SLC35F5: variants seen among roughly 807,000 people sequenced by gnomAD.
SLC35F5 encodes the protein HCV NS5A-transactivated protein 3.
SLC35F5 carries 54 observed loss-of-function variants against 68.6 expected under a neutral mutation model. The observed-to-expected ratio is 0.79, with a 90% CI of 0.63 to 0.99. The LOEUF (loss-of-function observed/expected upper bound fraction) is 0.99, where lower values mean the gene tolerates loss of function less well. SLC35F5 is among the 50% of genes least tolerant of loss of function. SLC35F5 has a pLI of 0.00. For synonymous variants in SLC35F5, 211 were observed against 205.2 expected (o/e 1.03, Z -0.24); for missense variants, 567 against 626.9 (o/e 0.90, Z 1.02).
At position 113,742,757 on chromosome 2, in the gene SLC35F5, G is replaced by T. The variant is rs773787189; in HGVS notation, c.685C>A (p.Leu229Met). The T allele has an allele frequency of 6.8e-6, 11 of 1,614,044 alleles. No individual in the cohort carries two copies. In the South Asian group the frequency reaches 1.1e-4, roughly 16 times the overall value. ...SYPVKEQESI[L>M]KTVGKLTATQ... ...GCAGTAAGTTTCCCCACAGTTTTCA[G>T]TATGGATTCTTGTTCTTTCACAGGA... Residue 229 changes from leucine to methionine, a missense_variant, in exon 7 of 16, where the codon CTG becomes ATG. Physicochemically the swap from Leu to Met is conservative, Grantham distance 15. Coordinates refer to ENST00000245680, the MANE Select transcript of SLC35F5 (RefSeq NM_025181.5).
intron 15 of SLC35F5, among the ~76,000 whole-genome samples, chr2:113,715,402 T>C (rs1687141130): frequency 6.6e-6 from 1 of 152,196 alleles, no homozygotes; most frequent in African/African-American, 2.4e-5. Flanking sequence ...ACATCAACAC[T>C]AAAGACTGTG....
chr2:113,728,140 T>G (rs1246652451), intron 11 of SLC35F5, among the ~76,000 whole-genome samples: 1 of 151,966 alleles, frequency 6.6e-6, no homozygotes, highest in Non-Finnish European at 1.5e-5. Flanking sequence ...TACAAACACA[T>G]GTAACCAAAC....
rs1005753594 is a variant in SLC35F5, at chr2:113,712,476, C to G, written c.*2742G>C. 1.3e-5 allele frequency among the ~76,000 whole-genome samples: 2 copies of G among 152,164 alleles called. No homozygotes were observed. Among genetic ancestry groups the G allele is most frequent in the Admixed American group, 6.5e-5 (1 of 15,278 alleles). On this transcript the variant is annotated 3_prime_UTR_variant, in exon 16 of 16. Coordinates refer to ENST00000245680, the MANE Select transcript of SLC35F5 (RefSeq NM_025181.5). The stretch of plus-strand genomic sequence containing the variant: ...GGACTACAGGCGCCGCCACCACGCC[C>G]GGCTAATTCTTTGTATTTTTAGTAG...
At chr2:113,724,888 G>C (rs1282081893) in intron 12 of SLC35F5, among the ~76,000 whole-genome samples, 2 of 152,004 alleles carry the variant, frequency 1.3e-5, no homozygotes, top group Admixed American at 1.3e-4. Context: ...CAGAGTTTAA[G>C]GTTTACATAT....
At chr2:113,743,002 C>T (rs374590935) in intron 6 of SLC35F5, 123 bp from the exon 7 acceptor site, 1 of 896,916 alleles carries the variant, frequency 1.1e-6, no homozygotes, top group African/African-American at 1.7e-5. Context: ...TCAAAGTAAA[C>T]CAAAAAGAGG....
Position 113,713,750 on chromosome 2 carries a change from A to T in SLC35F5, c.*1468T>A, listed in dbSNP as rs1335896461. On this transcript the variant is annotated 3_prime_UTR_variant, in exon 16 of 16. Coordinates refer to ENST00000245680, the MANE Select transcript of SLC35F5 (RefSeq NM_025181.5). The stretch of plus-strand genomic sequence containing the variant: ...TTTTGCCACTTTGGGCTGGATGATT[A>T]AAAAAAAAAAAAAAAAAAAAGAGAG... 4.2e-5 allele frequency: 4 copies of T among 96,134 alleles called. No homozygotes were observed. Among genetic ancestry groups the T allele is most frequent in the Admixed American group, 9.7e-5 (1 of 10,304 alleles). 6.0% of individuals were successfully genotyped at this position (96,134 alleles called of 1,614,324 possible).
chr2:113,742,370 G>A (rs986462907), intron 7 of SLC35F5: 3 of 413,092 alleles, frequency 7.3e-6, no homozygotes, highest in Non-Finnish European at 1.3e-5. Flanking sequence ...ATATCACAGT[G>A]TAAAATAACT....
At chr2:113,725,058 T>C (rs1184566684) in intron 12 of SLC35F5, among the ~76,000 whole-genome samples, 2 of 152,348 alleles carry the variant, frequency 1.3e-5, no homozygotes, top group African/African-American at 2.4e-5. Context: ...TATGTTTGGA[T>C]ATCCATTAGA....
chr2:113,735,439 C>T (rs1271800476), intron 8 of SLC35F5, among the ~76,000 whole-genome samples: 1 of 152,142 alleles, frequency 6.6e-6, no homozygotes, highest in Non-Finnish European at 1.5e-5. Flanking sequence ...AGGCTACCAA[C>T]TTATATGGCA....
intron 5 of SLC35F5, among the ~76,000 whole-genome samples, chr2:113,744,753 A>T (rs1180985159): frequency 6.6e-6 from 1 of 152,200 alleles, no homozygotes; most frequent in Non-Finnish European, 1.5e-5. Flanking sequence ...ACTCCATCTC[A>T]AAATAATAAT....
At chr2:113,749,288 G>T (rs1280481510) in intron 4 of SLC35F5, among the ~76,000 whole-genome samples, 2 of 152,190 alleles carry the variant, frequency 1.3e-5, no homozygotes, top group African/African-American at 4.8e-5. Flanking sequence ...AATGCCTGAG[G>T]CCAGACTTTG....
chr2:113,738,043 A>T, intron 7 of SLC35F5, among the ~76,000 whole-genome samples: 1 of 152,178 alleles, frequency 6.6e-6, no homozygotes, highest in Non-Finnish European at 1.5e-5. Context: ...TTGTCTACTG[A>T]TTACCATAGT....
chr2:113,703,513 T>C (rs1350224690), downstream of SLC35F5, among the ~76,000 whole-genome samples: 1 of 152,180 alleles, frequency 6.6e-6, no homozygotes, highest in African/African-American at 2.4e-5. Context: ...AGAGTCCTTA[T>C]TCTCAGTGAC....
intron 3 of SLC35F5, among the ~76,000 whole-genome samples, chr2:113,751,154 A>C (rs1369741455): frequency 1.3e-5 from 2 of 152,176 alleles, no homozygotes; most frequent in African/African-American, 2.4e-5. Context: ...CTCATAAAGA[A>C]AAACAAAAGA....
rs1687020906 is a variant in SLC35F5, at chr2:113,712,387, G to A, written c.*2831C>T. Among the ~76,000 whole-genome samples, 1 of 152,242 alleles carries A rather than the reference G, an allele frequency of 6.6e-6. No individual in the cohort carries two copies. The highest frequency in any genetic ancestry group is 6.5e-5 in the Admixed American group (1 of 15,302). ...GCTGGAGTGCAGGGGCACGATCTCGGCTCACTGCAGGCTCCGCCTCCCGGG... is the reference window on the plus strand; with the variant it reads ...GCTGGAGTGCAGGGGCACGATCTCGACTCACTGCAGGCTCCGCCTCCCGGG... On this transcript the variant is annotated 3_prime_UTR_variant, in exon 16 of 16. Coordinates refer to ENST00000245680, the MANE Select transcript of SLC35F5 (RefSeq NM_025181.5).
chr2:113,731,361 G>A (rs1687878225), intron 10 of SLC35F5, among the ~76,000 whole-genome samples: 1 of 152,098 alleles, frequency 6.6e-6, no homozygotes, highest in Non-Finnish European at 1.5e-5. Flanking sequence ...TTTTATAACT[G>A]TATAATATTT....
chr2:113,722,138 C>T (rs1450215184), intron 13 of SLC35F5, among the ~76,000 whole-genome samples: 2 of 151,884 alleles, frequency 1.3e-5, no homozygotes, highest in Non-Finnish European at 1.5e-5. Context: ...TCACACCCAG[C>T]TAATTTTTGT....
intron 14 of SLC35F5, among the ~76,000 whole-genome samples, chr2:113,718,939 G>A (rs1687312182): frequency 6.8e-6 from 1 of 146,882 alleles, no homozygotes; most frequent in Non-Finnish European, 1.5e-5. Flanking sequence ...AAGAAAGGAA[G>A]AAAGGAAGGA....
intron 3 of SLC35F5, among the ~76,000 whole-genome samples, chr2:113,752,013 A>ACT (rs1676765283): frequency 6.6e-6 from 1 of 151,792 alleles, no homozygotes; most frequent in South Asian, 2.1e-4. Context: ...GGAGTTCAAG[A>ACT]CCAGCCTGGC....
Sources: gnomAD v4.1 joint callset for allele counts (sites outside exome capture counted in the v4.1 genomes callset) on GRCh38, gnomAD v4.1.1 for gene constraint, MANE v1.5 for transcripts, NCBI Gene and HGNC (gene_info 2026-07-23, HGNC 2026-07-21) for gene names.